RSRC1: variants seen among roughly 807,000 people sequenced by gnomAD.
RSRC1 encodes the protein serine/Arginine-related protein 53.
Under a neutral mutation model 49.1 loss-of-function variants are expected in RSRC1, and 39 were observed. The observed-to-expected ratio is 0.79, with a 90% CI of 0.61 to 1.04. RSRC1 has a LOEUF of 1.04. Ranked by LOEUF, RSRC1 falls within the 50% of genes least tolerant of loss-of-function variation. The pLI is 0.00. For missense variants in RSRC1, 388 were observed against 402.4 expected, an observed-to-expected ratio of 0.96 and a Z score of 0.31; for synonymous variants, 143 against 130.8, an observed-to-expected ratio of 1.09 and a Z score of -0.63.
chr3:158,346,630 G>C (rs765529874), intron 5 of RSRC1, among the ~76,000 whole-genome samples: 10 of 152,172 alleles, frequency 6.6e-5, no homozygotes, highest in African/African-American at 1.2e-4. Flanking sequence ...ACTCTACCAA[G>C]TGATGGTTGG....
chr3:158,515,098 G>C (rs56396640), intron 7 of RSRC1, among the ~76,000 whole-genome samples: 38,610 of 139,106 alleles, frequency 0.28, 5,558 homozygotes, highest in South Asian at 0.34. Context: ...CTTTTAATTG[G>C]AGCATTTAGT....
At chr3:158,138,573 G>A (rs1716547982) in intron 3 of RSRC1, among the ~76,000 whole-genome samples, 1 of 152,308 alleles carries the variant, frequency 6.6e-6, no homozygotes, top group South Asian at 2.1e-4. Flanking sequence ...TTATTGGGTG[G>A]CTCCTTGAAT....
At chr3:158,225,731 A>C (rs1272819606) in intron 4 of RSRC1, 6 of 451,474 alleles carry the variant, frequency 1.3e-5, no homozygotes, top group Non-Finnish European at 2.7e-5. Context: ...GGAAGACCAA[A>C]TTGTGAGTAA....
chr3:158,308,025 T>A (rs1727932112), intron 5 of RSRC1, among the ~76,000 whole-genome samples: 1 of 151,948 alleles, frequency 6.6e-6, no homozygotes, highest in Non-Finnish European at 1.5e-5. Context: ...TACATTTTAC[T>A]CTGTAGTTAA....
At chr3:158,328,062 T>C (rs1302098171) in intron 5 of RSRC1, among the ~76,000 whole-genome samples, 1 of 152,158 alleles carries the variant, frequency 6.6e-6, no homozygotes, top group East Asian at 1.9e-4. Flanking sequence ...AACCCCTGCC[T>C]TTTTTTGTTT....
chr3:158,459,755 C>T (rs1299245880), intron 6 of RSRC1, among the ~76,000 whole-genome samples: 1 of 151,872 alleles, frequency 6.6e-6, no homozygotes, highest in East Asian at 1.9e-4. Flanking sequence ...ACTTTAAATG[C>T]AGTCTAAGTA....
intron 3 of RSRC1, among the ~76,000 whole-genome samples, chr3:158,169,855 A>G (rs1301193839): frequency 1.3e-5 from 2 of 152,188 alleles, no homozygotes; most frequent in African/African-American, 4.8e-5. Context: ...CTCACCAGGT[A>G]CTTGTCAGAG....
intron 3 of RSRC1, among the ~76,000 whole-genome samples, chr3:158,141,386 A>G (rs1183523336): frequency 6.6e-6 from 1 of 152,220 alleles, no homozygotes; most frequent in African/African-American, 2.4e-5. Context: ...ATATATTTAC[A>G]TGCATAATTT....
intron 3 of RSRC1, among the ~76,000 whole-genome samples, chr3:158,133,206 A>C (rs909577528): frequency 1.3e-5 from 2 of 152,204 alleles, no homozygotes; most frequent in African/African-American, 4.8e-5. Flanking sequence ...ACTTTAATGA[A>C]AACATTTTAA....
At chr3:158,199,732 A>C (rs1720917275) in intron 3 of RSRC1, among the ~76,000 whole-genome samples, 1 of 152,152 alleles carries the variant, frequency 6.6e-6, no homozygotes, top group African/African-American at 2.4e-5. Flanking sequence ...TTCAGTTCAA[A>C]ATATTTTTAA....
intron 4 of RSRC1, among the ~76,000 whole-genome samples, chr3:158,282,754 A>T (rs1306606391): frequency 6.6e-6 from 1 of 152,214 alleles, no homozygotes; most frequent in African/African-American, 2.4e-5. Context: ...TGTTTTAGGT[A>T]GATGAATGGA....
chr3:158,463,062 T>G (rs1737698392), intron 7 of RSRC1, among the ~76,000 whole-genome samples: 1 of 152,040 alleles, frequency 6.6e-6, no homozygotes, highest in Non-Finnish European at 1.5e-5. Flanking sequence ...CAATTTCCCT[T>G]TATTCTTTTA....
At chr3:158,435,089 A>G (rs1735977859) in intron 6 of RSRC1, among the ~76,000 whole-genome samples, 1 of 151,934 alleles carries the variant, frequency 6.6e-6, no homozygotes, top group Non-Finnish European at 1.5e-5. Flanking sequence ...TTATGCTTTG[A>G]AATGAAAATA....
intron 7 of RSRC1, among the ~76,000 whole-genome samples, chr3:158,509,430 T>C (rs746432328): frequency 6.6e-6 from 1 of 152,222 alleles, no homozygotes; most frequent in Non-Finnish European, 1.5e-5. Flanking sequence ...CTGAATTTTA[T>C]GCGTATTCTT....
intron 5 of RSRC1, among the ~76,000 whole-genome samples, chr3:158,306,025 A>G (rs1006932973): frequency 5.3e-5 from 8 of 152,082 alleles, no homozygotes; most frequent in African/African-American, 1.9e-4. Flanking sequence ...TCTTAATTCC[A>G]GTATACTCAG....
chr3:158,306,581 A>G (rs1727852717), intron 5 of RSRC1, among the ~76,000 whole-genome samples: 1 of 151,982 alleles, frequency 6.6e-6, no homozygotes, highest in Admixed American at 6.6e-5. Context: ...TATTATAATC[A>G]ATACAGGAAA....
chr3:158,397,693 C>G (rs1171603242), intron 6 of RSRC1, among the ~76,000 whole-genome samples: 2 of 152,024 alleles, frequency 1.3e-5, no homozygotes, highest in Non-Finnish European at 2.9e-5. Flanking sequence ...CCCAGTCACA[C>G]AAGTTTTCTT....
chr3:158,326,517 T>C (rs539510612), intron 5 of RSRC1, among the ~76,000 whole-genome samples: 1 of 152,300 alleles, frequency 6.6e-6, no homozygotes, highest in South Asian at 2.1e-4. Context: ...GTTCTGTGTA[T>C]ATGCTGGATT....
chr3:158,349,785 C>T lies in RSRC1; in HGVS notation c.532-5072C>T, dbSNP rs1730763505. Among the ~76,000 whole-genome samples, 3 of 141,840 alleles carry T rather than the reference C, an allele frequency of 2.1e-5. No homozygotes were observed. The South Asian group carries it at 6.7e-4, about 32-fold the overall frequency. The allele number at this position is 141,840 out of a possible 152,430, so 93.1% of individuals were successfully genotyped here. A position where few individuals can be genotyped will look rare whatever the true frequency, so the allele number is the denominator to read the frequency against. On this transcript the variant is annotated intron_variant, in intron 5 of 9. Transcript: ENST00000611884. ...CAATCTCGGCTCATTGCAATGTCTG[C>T]CTCGCGGGTTCAGGCGATTCTCCTG...
Sources: allele counts gnomAD v4.1 joint callset (sites outside exome capture counted in the v4.1 genomes callset), GRCh38; gene constraint gnomAD v4.1.1; transcripts MANE v1.5; gene names NCBI Gene and HGNC (gene_info 2026-07-23, HGNC 2026-07-21).